ROBO2: variants seen among roughly 807,000 people sequenced by gnomAD.
ROBO2 encodes the protein roundabout guidance receptor 2.
A neutral mutation model predicts 160.8 loss-of-function variants in ROBO2; 53 were observed. The ratio of observed to expected loss-of-function variants is 0.33; its 90% confidence interval spans 0.26 to 0.41. The LOEUF (loss-of-function observed/expected upper bound fraction) is 0.41. Ranked by LOEUF, ROBO2 falls within the 10% of genes least tolerant of loss-of-function variation. The probability of loss-of-function intolerance (pLI) is 1.00; values close to 1 mark genes in which losing one functional copy is unlikely to be tolerated. For synonymous variants in ROBO2, 664 were observed against 611.7 expected (o/e 1.09, Z -1.26); for missense variants, 1,577 against 1,722.4 (o/e 0.92, Z 1.49).
At chr3:76,843,644 G>A (rs112142952) in intron 2 of ROBO2, among the ~76,000 whole-genome samples, 1 of 151,894 alleles carries the variant, frequency 6.6e-6, no homozygotes, top group Non-Finnish European at 1.5e-5. Flanking sequence ...TGTCTTCTAG[G>A]ACCTTGTTGC....
At chr3:76,114,356 C>G (rs1451392107) in intron 2 of ROBO2, among the ~76,000 whole-genome samples, 1 of 151,920 alleles carries the variant, frequency 6.6e-6, no homozygotes, top group African/African-American at 2.4e-5. Context: ...TTGATTCTAT[C>G]CAAGAAAGAC....
intron 2 of ROBO2, among the ~76,000 whole-genome samples, chr3:77,164,927 G>A (rs1275221760): frequency 8.6e-6 from 1 of 116,936 alleles, no homozygotes; most frequent in African/African-American, 2.9e-5. Flanking sequence ...CCCCGTCCGG[G>A]AGGGAGGTGG....
intron 2 of ROBO2, among the ~76,000 whole-genome samples, chr3:75,950,179 G>C (rs1458287995): frequency 2.6e-5 from 4 of 151,990 alleles, no homozygotes; most frequent in African/African-American, 9.7e-5. Context: ...AAAACTAGAA[G>C]CTCTCATTTG....
intron 1 of ROBO2, among the ~76,000 whole-genome samples, chr3:75,911,472 T>C (rs1946576787): frequency 6.6e-6 from 1 of 152,104 alleles, no homozygotes. Context: ...GATTGCTATT[T>C]TTATTATTGA....
chr3:77,168,206 C>T (rs1199886747), intron 2 of ROBO2, among the ~76,000 whole-genome samples: 1 of 152,190 alleles, frequency 6.6e-6, no homozygotes, highest in African/African-American at 2.4e-5. Flanking sequence ...CTTAACATAC[C>T]TCCAGCCCCT....
intron 2 of ROBO2, among the ~76,000 whole-genome samples, chr3:76,798,082 A>T: frequency 6.6e-6 from 1 of 151,098 alleles, no homozygotes; most frequent in East Asian, 1.9e-4. Context: ...CTGATACCAA[A>T]AACAGACAAA....
At chr3:76,073,668 A>C (rs9755939) in intron 2 of ROBO2, among the ~76,000 whole-genome samples, 1 of 151,608 alleles carries the variant, frequency 6.6e-6, no homozygotes, top group Admixed American at 6.6e-5. Context: ...AAAACTGAAC[A>C]ATACGTTAAA....
At chr3:77,457,014 G>T (rs759894937) in intron 2 of ROBO2, among the ~76,000 whole-genome samples, 1 of 152,128 alleles carries the variant, frequency 6.6e-6, no homozygotes, top group African/African-American at 2.4e-5. Flanking sequence ...CTTGCTATTT[G>T]CTTCCACACT....
chr3:76,731,592 C>A (rs1560461482), intron 2 of ROBO2, among the ~76,000 whole-genome samples: 1 of 152,056 alleles, frequency 6.6e-6, no homozygotes. Context: ...AATAATTTTC[C>A]TATTGGACAG....
At chr3:76,041,722 C>T (rs1400398184) in intron 2 of ROBO2, among the ~76,000 whole-genome samples, 1 of 151,738 alleles carries the variant, frequency 6.6e-6, no homozygotes, top group African/African-American at 2.4e-5. Context: ...CTTTATCTGA[C>T]TTGGGTTTGA....
rs1366404678 is a variant in ROBO2, at chr3:76,798,276, GAAA to G, written c.110-299737_110-299735del. On this transcript the variant is annotated intron_variant, in intron 2 of 26. Coordinates refer to the ROBO2 transcript ENST00000487694. ...AGAAAGAAGGAAAGAAAGAAAGAAA[GAAA>G]GAAAGAAAGAAAGAAAGAAAGAAAG... Among the ~76,000 whole-genome samples the G allele has an allele frequency of 2.3e-3, 315 of 137,640 alleles. 3 individuals are homozygous for G. Among genetic ancestry groups the G allele is most frequent in the African/African-American group, 8.4e-3 (308 of 36,558 alleles). 90.3% of individuals were successfully genotyped at this position (137,640 alleles called of 152,430 possible). A position where few individuals can be genotyped will look rare whatever the true frequency, so the allele number is the denominator to read the frequency against.
chr3:75,925,200 C>T (rs1292524958), intron 1 of ROBO2, among the ~76,000 whole-genome samples: 2 of 151,780 alleles, frequency 1.3e-5, no homozygotes, highest in African/African-American at 4.8e-5. Context: ...TCAGATCAGC[C>T]CGGGCAACAT....
intron 2 of ROBO2, among the ~76,000 whole-genome samples, chr3:77,399,846 C>T (rs1177954870): frequency 1.3e-5 from 2 of 152,102 alleles, no homozygotes; most frequent in Non-Finnish European, 2.9e-5. Context: ...ACTGAGGCCC[C>T]AGAAACCCTA....
chr3:77,446,544 T>C (rs62249858), intron 2 of ROBO2, among the ~76,000 whole-genome samples: 12,116 of 152,166 alleles, frequency 0.08, 560 homozygotes, highest in African/African-American at 0.11. Flanking sequence ...CCCTTAAGGA[T>C]ATAAGCAGCA....
intron 2 of ROBO2, among the ~76,000 whole-genome samples, chr3:76,362,519 G>A (rs1204557818): frequency 6.6e-6 from 1 of 152,048 alleles, no homozygotes; most frequent in Non-Finnish European, 1.5e-5. Flanking sequence ...CTTAGGTAAG[G>A]TGAATAACCT....
intron 2 of ROBO2, among the ~76,000 whole-genome samples, chr3:76,128,088 G>GT (rs1168031169): frequency 1.3e-5 from 2 of 151,750 alleles, no homozygotes; most frequent in East Asian, 3.9e-4. Flanking sequence ...TAGAGACGAG[G>GT]TTTCATTACA....
chr3:77,450,730 A>G (rs2081029998), intron 2 of ROBO2, among the ~76,000 whole-genome samples: 1 of 152,072 alleles, frequency 6.6e-6, no homozygotes, highest in South Asian at 2.1e-4. Flanking sequence ...AAGACTAACG[A>G]TTTTCTTGTG....
At chr3:76,788,050 TTTTTC>T (rs1402609405) in intron 2 of ROBO2, among the ~76,000 whole-genome samples, 1 of 151,380 alleles carries the variant, frequency 6.6e-6, no homozygotes, top group African/African-American at 2.4e-5. Context: ...AAGACTTTTT[TTTTTC>T]TTATCAACCT....
intron 2 of ROBO2, among the ~76,000 whole-genome samples, chr3:76,770,871 A>G (rs1268690438): frequency 6.6e-6 from 1 of 151,224 alleles, no homozygotes; most frequent in Non-Finnish European, 1.5e-5. Context: ...GATCCAAGGC[A>G]CTGATAAAAG....
Sources: allele counts gnomAD v4.1 joint callset (sites outside exome capture counted in the v4.1 genomes callset), GRCh38; gene constraint gnomAD v4.1.1; transcripts MANE v1.5; gene names NCBI Gene and HGNC (gene_info 2026-07-23, HGNC 2026-07-21).